DNAH17: variants seen among roughly 807,000 people sequenced by gnomAD.
DNAH17 encodes axonemal beta dynein heavy chain 17.
A neutral mutation model predicts 485.6 loss-of-function variants in DNAH17; 376 were observed. The ratio of observed to expected loss-of-function variants is 0.77; its 90% confidence interval spans 0.71 to 0.84. The LOEUF is 0.84. Ranked by LOEUF, DNAH17 falls within the 40% of genes least tolerant of loss-of-function variation. The probability of loss-of-function intolerance (pLI) is 0.00; values close to 1 mark genes in which losing one functional copy is unlikely to be tolerated. For synonymous variants in DNAH17, 3,031 were observed against 2,405.9 expected (o/e 1.26, Z -7.60); for missense variants, 6,370 against 5,839.3 (o/e 1.09, Z -2.96).
intron 75 of DNAH17, among the ~76,000 whole-genome samples, chr17:78,429,558 C>T (rs7214853): frequency 0.11 from 16,820 of 152,244 alleles, 1,075 homozygotes; most frequent in African/African-American, 0.17. Context: ...GCACCTCCCT[C>T]CACCTTGGAC....
At chr17:78,494,391 C>T (rs2089988223) in intron 40 of DNAH17, among the ~76,000 whole-genome samples, 1 of 151,624 alleles carries the variant, frequency 6.6e-6, no homozygotes, top group South Asian at 2.1e-4. Context: ...CCCCCCCAGC[C>T]TCAGTTGAGA....
rs763512361 is a variant in DNAH17, at chr17:78,480,796, G to A, written c.7650-10C>T. On this transcript the variant is annotated splice_polypyrimidine_tract_variant and intron_variant, in intron 48 of 80. Transcript: ENST00000389840. ...CTTATGTCTGTCATACCTGAGGGGGGAAACCAGCATTCATGTTGTGCCCCT... is the reference window on the plus strand; with the variant it reads ...CTTATGTCTGTCATACCTGAGGGGGAAAACCAGCATTCATGTTGTGCCCCT... 1.2e-5 allele frequency: 19 copies of A among 1,602,926 alleles called. No individual in the cohort carries two copies. The South Asian group carries it at 1.6e-4, about 13-fold the overall frequency.
chr17:78,494,297 C>A (rs1172241199), intron 40 of DNAH17, 124 bp from the exon 41 acceptor site: 1 of 1,367,508 alleles, frequency 7.3e-7, no homozygotes, highest in Admixed American at 2.5e-5. Flanking sequence ...CTCCGATGCA[C>A]GTGCGTCTGC....
intron 9 of DNAH17, among the ~76,000 whole-genome samples, chr17:78,568,202 C>A (rs2143704443): frequency 6.6e-6 from 1 of 152,288 alleles, no homozygotes; most frequent in African/African-American, 2.4e-5. Context: ...CAGAATCAGT[C>A]ATGTGGGAAC....
intron 37 of DNAH17, chr17:78,497,018 C>T (rs1457213433): frequency 6.6e-6 from 1 of 152,250 alleles, no homozygotes; most frequent in African/African-American, 2.4e-5. Flanking sequence ...GAGATGCACC[C>T]AGGCTGTTGC....
At chr17:78,490,869 G>C in intron 43 of DNAH17, 22 bp from the exon 44 acceptor site, 3 of 1,576,836 alleles carry the variant, frequency 1.9e-6, no homozygotes, top group Non-Finnish European at 1.7e-6. Flanking sequence ...ACAGCAGCCC[G>C]TGGGGTCCTA....
chr17:78,436,727 C>G (rs1458737241), intron 74 of DNAH17, among the ~76,000 whole-genome samples: 1 of 152,078 alleles, frequency 6.6e-6, no homozygotes, highest in Non-Finnish European at 1.5e-5. Context: ...TGCCTGTAAT[C>G]CCAGCTACTC....
At chr17:78,563,000 CAG>C (rs939859974) in intron 11 of DNAH17, among the ~76,000 whole-genome samples, 1 of 152,216 alleles carries the variant, frequency 6.6e-6, no homozygotes, top group Non-Finnish European at 1.5e-5. Flanking sequence ...GCCTGAGTCT[CAG>C]ACTTTCCCCA....
intron 69 of DNAH17, among the ~76,000 whole-genome samples, chr17:78,448,424 G>A (rs567548591): frequency 2.8e-4 from 42 of 152,298 alleles, no homozygotes; most frequent in South Asian, 8.3e-4. Flanking sequence ...CTACTGAGGC[G>A]GCTGAAGTGG....
chr17:78,490,043 C>T (rs931019909), intron 44 of DNAH17: 4 of 152,258 alleles, frequency 2.6e-5, no homozygotes, highest in Non-Finnish European at 5.9e-5. Context: ...GTGTCCAAGC[C>T]CGAAAATATG....
Position 78,434,193 on chromosome 17 carries a change from T to C in DNAH17, c.12061A>G (p.Met4021Val), listed in dbSNP as rs1159063742. 1.9e-6 allele frequency: 3 copies of C among 1,612,538 alleles called. No homozygotes were observed. Among genetic ancestry groups the C allele is most frequent in the Non-Finnish European group, 2.5e-6 (3 of 1,179,192 alleles). The change falls in exon 75 of 81, where the codon ATG (methionine) becomes GTG (valine). Residue 4021 changes from methionine to valine, a missense_variant. Coordinates refer to ENST00000389840, the MANE Select transcript of DNAH17 (RefSeq NM_173628.4). ...QDTLEMCTKEMEFKCMLFALC... is the reference protein window; with the variant it reads ...QDTLEMCTKEVEFKCMLFALC... The stretch of plus-strand genomic sequence containing the variant: ...GCGAAGAGCATGCACTTGAACTCCA[T>C]CTCCTTGGTGCACATCTCCAGGGTG...
chr17:78,558,694 C>G (rs770048427), intron 13 of DNAH17, among the ~76,000 whole-genome samples: 1 of 152,250 alleles, frequency 6.6e-6, no homozygotes, highest in Admixed American at 6.5e-5. Context: ...CCTCTCCTAC[C>G]TACTACCCAC....
At chr17:78,563,508 A>C (rs957349848) in intron 11 of DNAH17, among the ~76,000 whole-genome samples, 6 of 137,598 alleles carry the variant, frequency 4.4e-5, no homozygotes, top group African/African-American at 1.3e-4. Flanking sequence ...CTGAAGACCC[A>C]TCATCCAGAC....
chr17:78,447,894 G>A (rs983508929), intron 69 of DNAH17, among the ~76,000 whole-genome samples: 4 of 151,094 alleles, frequency 2.6e-5, no homozygotes, highest in East Asian at 1.9e-4. Flanking sequence ...AATTAGGGCC[G>A]GGTGCGGTGG....
intron 58 of DNAH17, 69 bp downstream of exon 58, chr17:78,461,475 C>T (rs968399761): frequency 4.3e-5 from 61 of 1,415,596 alleles, no homozygotes; most frequent in Non-Finnish European, 5.1e-5. Context: ...CCTGACCACA[C>T]GTGGAAGCCC....
chr17:78,558,623 A>G (rs923493498), intron 13 of DNAH17, among the ~76,000 whole-genome samples: 2 of 152,216 alleles, frequency 1.3e-5, no homozygotes, highest in African/African-American at 4.8e-5. Context: ...TCATCATTGT[A>G]GGTGGATGAT....
chr17:78,427,923 G>A (rs2086532277), intron 77 of DNAH17, among the ~76,000 whole-genome samples: 1 of 148,942 alleles, frequency 6.7e-6, no homozygotes, highest in African/African-American at 2.5e-5. Context: ...CCGAGATCGT[G>A]CCATTGCACT....
rs2086204284 is a variant in DNAH17 at position 78,423,788 on chromosome 17, T to TATTTAAGAGA, written c.*108_*117dup. The TATTTAAGAGA allele has an allele frequency of 8.2e-6, 11 of 1,343,372 alleles. No homozygotes were observed. Among genetic ancestry groups the TATTTAAGAGA allele is most frequent in the Non-Finnish European group, 1.1e-5 (11 of 974,122 alleles). 83.2% of individuals were successfully genotyped at this position (1,343,372 alleles called of 1,614,324 possible). A position where few individuals can be genotyped will look rare whatever the true frequency, so the allele number is the denominator to read the frequency against. Reference sequence around the variant, plus strand: ...TGTGCTTGGTTACAAAGCACCTGATTATTTAAGAGAACGAAAAACCACCAC... The same window carrying TATTTAAGAGA: ...TGTGCTTGGTTACAAAGCACCTGATTATTTAAGAGAATTTAAGAGAACGAAAAACCACCAC... On this transcript the variant is annotated 3_prime_UTR_variant, in exon 81 of 81. Transcript: ENST00000389840.
At chr17:78,460,114 TCCTCTCCAACCAGG>T (rs1171622817) in intron 59 of DNAH17, 34 bp downstream of exon 59, 1 of 1,580,174 alleles carries the variant, frequency 6.3e-7, no homozygotes. Context: ...GAAGGCAGCT[TCCTCTCCAACCAGG>T]CCAGGGGTCC....
Sources: gnomAD v4.1 joint callset for allele counts (sites outside exome capture counted in the v4.1 genomes callset) on GRCh38, gnomAD v4.1.1 for gene constraint, MANE v1.5 for transcripts, NCBI Gene and HGNC (gene_info 2026-07-23, HGNC 2026-07-21) for gene names.